The following PLCB1 variants were observed in gnomAD, a reference collection of about 807,000 sequenced individuals.
PLCB1 encodes the protein 1-phosphatidylinositol 4,5-bisphosphate phosphodiesterase beta-1.
Under a neutral mutation model 161.8 loss-of-function variants are expected in PLCB1, and 46 were observed. That is an observed-to-expected ratio of 0.28 (90% CI 0.22 to 0.36). The LOEUF (loss-of-function observed/expected upper bound fraction) is 0.36. PLCB1 is among the 10% of genes least tolerant of loss of function. The pLI is 1.00. For synonymous variants in PLCB1, 517 were observed against 503.7 expected (o/e 1.03, Z -0.35); for missense variants, 1,016 against 1,472.5 (o/e 0.69, Z 5.07).
chr20:8,211,057 G>A (rs1978799031), intron 2 of PLCB1, among the ~76,000 whole-genome samples: 2 of 152,086 alleles, frequency 1.3e-5, no homozygotes, highest in African/African-American at 2.4e-5. Flanking sequence ...TCTATAACCT[G>A]TCTGCACTCT....
chr20:8,516,664 CATATATATATATATATATATAT>C (rs57237224), intron 3 of PLCB1, among the ~76,000 whole-genome samples: 3,195 of 72,284 alleles, frequency 0.044, 177 homozygotes, highest in African/African-American at 0.12. Context: ...AATATAACAT[CATATATATATATATATATATAT>C]ATATATATAT....
At chr20:8,168,488 C>T (rs2051697942) in intron 2 of PLCB1, among the ~76,000 whole-genome samples, 1 of 152,038 alleles carries the variant, frequency 6.6e-6, no homozygotes, top group South Asian at 2.1e-4. Flanking sequence ...ACTTGGAGGT[C>T]CCTGATAGGT....
chr20:8,532,336 G>A (rs1984846763), intron 3 of PLCB1, among the ~76,000 whole-genome samples: 1 of 152,156 alleles, frequency 6.6e-6, no homozygotes, highest in Non-Finnish European at 1.5e-5. Flanking sequence ...AGCCCTGTCA[G>A]GTACACATTT....
Position 8,694,235 on chromosome 20 carries a change from T to C in PLCB1, c.1010-3391T>C, listed in dbSNP as rs557676498. ...ATATTTCCATAAATGAAGTAAAACA[T>C]ACAGGGAACCTAATATGCATTCCAA... On this transcript the variant is annotated intron_variant, in intron 10 of 31. Transcript: ENST00000338037. Among the ~76,000 whole-genome samples, 13 of 152,272 alleles carry C rather than the reference T, an allele frequency of 8.5e-5. No individual in the cohort carries two copies. In the South Asian group the frequency reaches 2.7e-3, roughly 32 times the overall value.
intron 3 of PLCB1, among the ~76,000 whole-genome samples, chr20:8,574,098 A>G (rs1347988730): frequency 6.6e-6 from 1 of 152,218 alleles, no homozygotes; most frequent in Non-Finnish European, 1.5e-5. Context: ...CCAAAGAACA[A>G]TCTTATTTAA....
chr20:8,302,969 C>T (rs780268508), intron 2 of PLCB1, among the ~76,000 whole-genome samples: 6 of 152,116 alleles, frequency 3.9e-5, no homozygotes, highest in African/African-American at 9.6e-5. Flanking sequence ...GAATTGCAAC[C>T]GATTATACTG....
chr20:8,183,682 G>A (rs2051871100), intron 2 of PLCB1, among the ~76,000 whole-genome samples: 1 of 152,176 alleles, frequency 6.6e-6, no homozygotes, highest in African/African-American at 2.4e-5. Flanking sequence ...TCATGGACAT[G>A]TTTTAGTTCG....
rs1319726610 is a variant in PLCB1, at chr20:8,641,004, T to C, written c.385-5098T>C. 7.2e-5 allele frequency among the ~76,000 whole-genome samples: 11 copies of C among 152,290 alleles called. No homozygotes were observed. In the South Asian group the frequency reaches 2.1e-3, roughly 29 times the overall value. On this transcript the variant is annotated intron_variant, in intron 4 of 31. Coordinates refer to ENST00000338037, the MANE Select transcript of PLCB1 (RefSeq NM_015192.4). ...GCAGCCTGAACTCTTCCTTAGAGTA[T>C]CAGGATACCATTTAGAAGAATATTG...
intron 2 of PLCB1, among the ~76,000 whole-genome samples, chr20:8,190,191 T>C (rs2051952252): frequency 6.6e-6 from 1 of 152,074 alleles, no homozygotes; most frequent in Non-Finnish European, 1.5e-5. Flanking sequence ...AAGTATGCTC[T>C]GCATTCCTGT....
chr20:8,158,865 T>C (rs1163638050), intron 2 of PLCB1, among the ~76,000 whole-genome samples: 1 of 152,220 alleles, frequency 6.6e-6, no homozygotes, highest in Non-Finnish European at 1.5e-5. Flanking sequence ...ATGCAAGAGA[T>C]GGGCTCCCAT....
intron 3 of PLCB1, among the ~76,000 whole-genome samples, chr20:8,385,190 C>T (rs1987388189): frequency 6.6e-6 from 1 of 152,084 alleles, no homozygotes; most frequent in Admixed American, 6.5e-5. Context: ...GGGCTCAGGC[C>T]CAGGAAGATC....
intron 3 of PLCB1, among the ~76,000 whole-genome samples, chr20:8,523,243 G>A (rs544217910): frequency 6.6e-6 from 1 of 151,790 alleles, no homozygotes; most frequent in African/African-American, 2.4e-5. Flanking sequence ...TCTGTGCCAG[G>A]AACTAGTCTA....
intron 3 of PLCB1, among the ~76,000 whole-genome samples, chr20:8,516,662 A>G (rs1307980683): frequency 2.8e-5 from 3 of 106,730 alleles, no homozygotes; most frequent in Admixed American, 1.3e-4. Context: ...AAAATATAAC[A>G]TCATATATAT....
intron 2 of PLCB1, among the ~76,000 whole-genome samples, chr20:8,259,462 A>G (rs1396966514): frequency 4.6e-5 from 7 of 151,984 alleles, no homozygotes; most frequent in African/African-American, 1.2e-4. Context: ...CTAAAAATAT[A>G]AGAAGTAGCC....
At chr20:8,544,121 C>A (rs899096870) in intron 3 of PLCB1, among the ~76,000 whole-genome samples, 1 of 152,044 alleles carries the variant, frequency 6.6e-6, no homozygotes, top group African/African-American at 2.4e-5. Flanking sequence ...CTCAGCATCA[C>A]GCAGTATACC....
At chr20:8,194,053 G>A (rs1344147368) in intron 2 of PLCB1, among the ~76,000 whole-genome samples, 2 of 151,946 alleles carry the variant, frequency 1.3e-5, no homozygotes, top group African/African-American at 2.4e-5. Flanking sequence ...GTGATACTAT[G>A]GTGCCAACAT....
At chr20:8,349,023 CATAT>C (rs1472271150) in intron 2 of PLCB1, among the ~76,000 whole-genome samples, 3 of 151,936 alleles carry the variant, frequency 2.0e-5, no homozygotes, top group South Asian at 2.1e-4. Flanking sequence ...TACACACATA[CATAT>C]ATATACACAC....
chr20:8,447,045 AATATAC>A (rs1490628073), intron 3 of PLCB1, among the ~76,000 whole-genome samples: 1 of 152,188 alleles, frequency 6.6e-6, no homozygotes. Context: ...TGTGTGTATA[AATATAC>A]ATATACTGAG....
At chr20:8,346,886 T>G (rs1200140843) in intron 2 of PLCB1, among the ~76,000 whole-genome samples, 1 of 152,162 alleles carries the variant, frequency 6.6e-6, no homozygotes, top group African/African-American at 2.4e-5. Flanking sequence ...TAAACAGGAA[T>G]CATCTGAAAG....
Sources: allele counts gnomAD v4.1 joint callset (sites outside exome capture counted in the v4.1 genomes callset), GRCh38; gene constraint gnomAD v4.1.1; transcripts MANE v1.5; gene names NCBI Gene and HGNC (gene_info 2026-07-23, HGNC 2026-07-21).